EIF3M: variants seen among roughly 807,000 people sequenced by gnomAD.
EIF3M encodes B5 receptor.
In EIF3M, 25 loss-of-function variants were observed where a neutral mutation model predicts 49.7. The ratio of observed to expected loss-of-function variants is 0.50; its 90% CI spans 0.37 to 0.70. EIF3M has a LOEUF of 0.70. Among genes scored for constraint, EIF3M ranks in the 30% least tolerant of loss-of-function variants. EIF3M has a pLI of 0.00. For synonymous variants in EIF3M, 156 were observed against 149.8 expected (o/e 1.04, Z -0.30); for missense variants, 350 against 440.0 (o/e 0.80, Z 1.83).
intron 5 of EIF3M, chr11:32,592,361 C>A (rs1855117109): frequency 2.5e-5 from 14 of 552,684 alleles, no homozygotes; most frequent in South Asian, 2.0e-4. Flanking sequence ...CTCTGCCAGT[C>A]CTCCTGTAAC....
intron 6 of EIF3M, chr11:32,594,257 A>G (rs1855146972): frequency 4.4e-6 from 1 of 228,532 alleles, no homozygotes; most frequent in Admixed American, 5.7e-5. Context: ...TTTTAAGGTT[A>G]TAGGTGGAAA....
intron 5 of EIF3M, among the ~76,000 whole-genome samples, chr11:32,591,325 A>G (rs1054425326): frequency 6.6e-6 from 1 of 152,230 alleles, no homozygotes; most frequent in Non-Finnish European, 1.5e-5. Context: ...AAGATAACTA[A>G]TGAGTAAGAT....
In EIF3M at chr11:32,599,576, C is replaced by G. The variant is rs142669514; in HGVS notation, c.800-1113C>G. Among the ~76,000 whole-genome samples the G allele has an allele frequency of 7.2e-3, 1,090 of 152,020 alleles. 12 individuals are homozygous for G. The highest frequency in any genetic ancestry group is 0.025 in the African/African-American group (1,021 of 41,512). ...CAGACTTGAAGCTCTGAATTTATTA[C>G]AGGGCACTTGATTGATCATTTGCTG... On this transcript the variant is annotated intron_variant, in intron 8 of 10. Coordinates refer to ENST00000531120, the MANE Select transcript of EIF3M (RefSeq NM_006360.6).
chr11:32,587,099 C>A lies in EIF3M; in HGVS notation c.130C>A (p.Gln44Lys). The change falls in exon 2 of 11, where the codon CAA (glutamine) becomes AAA (lysine). Residue 44 changes from glutamine to lysine, a missense_variant. Physicochemically the swap from Gln to Lys is moderately conservative, Grantham distance 53 (BLOSUM62 1). Transcript: ENST00000531120. ...AGGTGGACTTCATGTTGATTTAGCT[C>A]AAATTATTGAAGCCTGTGATGTGTG... ...SEGGLHVDLA[Q>K]IIEACDVCLK... is the part of the protein sequence containing the mutation. 1 of 1,612,552 alleles carries A rather than the reference C, an allele frequency of 6.2e-7. No individual in the cohort carries two copies. Among genetic ancestry groups the A allele is most frequent in the South Asian group, 1.1e-5 (1 of 90,902 alleles).
At position 32,587,049 on chromosome 11, in the gene EIF3M, C is replaced by T; in HGVS notation, c.80C>T (p.Ala27Val). 1.2e-6 allele frequency: 2 copies of T among 1,612,476 alleles called. No individual in the cohort carries two copies. Among genetic ancestry groups the T allele is most frequent in the Non-Finnish European group, 1.7e-6 (2 of 1,178,814 alleles). The change falls in exon 2 of 11, where the codon GCT (alanine) becomes GTT (valine). Residue 27 changes from alanine (A) to valine (V), a missense_variant. Ala to Val is a moderately conservative substitution (Grantham distance 64). Coordinates refer to ENST00000531120, the MANE Select transcript of EIF3M (RefSeq NM_006360.6). ...CGTGCTTATCTGAAATCTAAAGGAG[C>T]TGAGATTTCAGAAGAGAACTCGGAA... ...ELRAYLKSKG[A>V]EISEENSEGG...
At chr11:32,588,189 GACCA>G (rs1855030082) in intron 2 of EIF3M, among the ~76,000 whole-genome samples, 1 of 152,054 alleles carries the variant, frequency 6.6e-6, no homozygotes, top group East Asian at 1.9e-4. Flanking sequence ...AAGAGTTCAA[GACCA>G]GCCTGGCCAA....
chr11:32,602,472 A>G lies in EIF3M; in HGVS notation c.*73A>G. On this transcript the variant is annotated 3_prime_UTR_variant, in exon 11 of 11. Transcript: ENST00000531120. Reference sequence around the variant, plus strand: ...ATAGTAAAACATTATAAACTAAAAAAATTTGCCTAGTCTGGACAGTTATTG... The same window carrying G: ...ATAGTAAAACATTATAAACTAAAAAGATTTGCCTAGTCTGGACAGTTATTG... The G allele has an allele frequency of 4.6e-6, 7 of 1,533,080 alleles. No individual in the cohort carries two copies. Among genetic ancestry groups the G allele is most frequent in the Non-Finnish European group, 4.4e-6 (5 of 1,138,818 alleles). 95.0% of individuals were successfully genotyped at this position (1,533,080 alleles called of 1,614,324 possible).
chr11:32,594,072 T>C (rs1318731278), intron 6 of EIF3M, 123 bp downstream of exon 6: 5 of 543,158 alleles, frequency 9.2e-6, no homozygotes, highest in Non-Finnish European at 1.5e-5. Flanking sequence ...TGATAGTGTG[T>C]ATTTCCTGGT....
At chr11:32,586,264 T>C (rs998461909) in intron 1 of EIF3M, among the ~76,000 whole-genome samples, 5 of 151,816 alleles carry the variant, frequency 3.3e-5, no homozygotes, top group African/African-American at 9.7e-5. Context: ...AAAAAAAAAC[T>C]GCGTTTGTTT....
In EIF3M at chr11:32,603,445, G is replaced by GAGTAA. The variant is rs1235018278; in HGVS notation, c.*1051_*1055dup. ...ATACTTACTGGAAATTTAGAAAATAGAGTAAAGTAGAAAGAAACTAAAAAT... is the reference window on the plus strand; with the variant it reads ...ATACTTACTGGAAATTTAGAAAATAGAGTAAAGTAAAGTAGAAAGAAACTAAAAAT... On this transcript the variant is annotated 3_prime_UTR_variant, in exon 11 of 11. Coordinates refer to ENST00000531120, the MANE Select transcript of EIF3M (RefSeq NM_006360.6). 2 of 153,722 alleles carry GAGTAA rather than the reference G, an allele frequency of 1.3e-5. No individual in the cohort carries two copies. The highest frequency in any genetic ancestry group is 4.8e-5 in the African/African-American group (2 of 41,506). The allele number at this position is 153,722 out of a possible 1,614,324, so 9.5% of individuals were successfully genotyped here.
intron 1 of EIF3M, 42 bp downstream of exon 1, chr11:32,583,971 A>T: frequency 6.2e-7 from 1 of 1,610,776 alleles, no homozygotes; most frequent in South Asian, 1.1e-5. Context: ...GGGGTGGGGG[A>T]TGTCCTAGTA....
intron 9 of EIF3M, 41 bp from the exon 10 acceptor site, chr11:32,601,721 A>C (rs1855268800): frequency 6.3e-7 from 1 of 1,577,670 alleles, no homozygotes; most frequent in Non-Finnish European, 8.6e-7. Context: ...TTTTCTTGGA[A>C]ATTTTCCATA....
At chr11:32,590,544 A>T (rs563326354) in intron 5 of EIF3M, among the ~76,000 whole-genome samples, 1 of 152,292 alleles carries the variant, frequency 6.6e-6, no homozygotes, top group East Asian at 1.9e-4. Flanking sequence ...GGCTAAGTGA[A>T]GGCAAGGAAC....
At chr11:32,585,681 C>T (rs569171493) in intron 1 of EIF3M, among the ~76,000 whole-genome samples, 43 of 152,218 alleles carry the variant, frequency 2.8e-4, no homozygotes, top group Admixed American at 1.1e-3. Flanking sequence ...GACATGGTGA[C>T]AGTTTGTTTT....
chr11:32,600,143 G>C (rs996692014), intron 8 of EIF3M, among the ~76,000 whole-genome samples: 2 of 151,728 alleles, frequency 1.3e-5, no homozygotes, highest in African/African-American at 4.8e-5. Flanking sequence ...AAGTAGTTTT[G>C]ATTTTTAAAT....
Sources: gnomAD v4.1 joint callset for allele counts (sites outside exome capture counted in the v4.1 genomes callset) on GRCh38, gnomAD v4.1.1 for gene constraint, MANE v1.5 for transcripts, NCBI Gene and HGNC (gene_info 2026-07-23, HGNC 2026-07-21) for gene names.